Variants in ITGA1 observed in about 807,000 individuals in gnomAD.
ITGA1 encodes integrin subunit alpha 1.
Under a neutral mutation model 145.9 loss-of-function variants are expected in ITGA1, and 85 were observed. That is an observed-to-expected ratio of 0.58 (90% CI 0.49 to 0.70). The LOEUF is 0.70. ITGA1 is among the 30% of genes least tolerant of loss of function. ITGA1 has a pLI of 0.00. For synonymous variants in ITGA1, 520 were observed against 495.3 expected, an observed-to-expected ratio of 1.05 and a Z score of -0.66; for missense variants, 1,351 against 1,418.7, an observed-to-expected ratio of 0.95 and a Z score of 0.77.
At chr5:52,851,723 G>A (rs1346681233) in intron 2 of ITGA1, among the ~76,000 whole-genome samples, 1 of 152,110 alleles carries the variant, frequency 6.6e-6, no homozygotes, top group African/African-American at 2.4e-5. Flanking sequence ...ATAAGAGATC[G>A]GGGACTATGC....
At chr5:52,808,847 G>T (rs140995698) in intron 1 of ITGA1, among the ~76,000 whole-genome samples, 13 of 152,000 alleles carry the variant, frequency 8.6e-5, no homozygotes, top group East Asian at 1.9e-4. Flanking sequence ...CCCAGAGAGG[G>T]TTGGTAACTT....
intron 21 of ITGA1, among the ~76,000 whole-genome samples, chr5:52,930,570 T>G (rs1471877716): frequency 6.6e-6 from 1 of 152,088 alleles, no homozygotes; most frequent in African/African-American, 2.4e-5. Flanking sequence ...GAAAGCTTTG[T>G]CAGAAAATTA....
intron 1 of ITGA1, chr5:52,800,382 C>T (rs767881270): frequency 1.4e-5 from 23 of 1,613,348 alleles, no homozygotes; most frequent in Non-Finnish European, 1.9e-5. Flanking sequence ...GTCAGTGAGC[C>T]CCTTCCTTGG....
rs1750962505 is a variant in ITGA1 at position 52,936,127 on chromosome 5, C to T, written c.2965-1274C>T. On this transcript the variant is annotated intron_variant, in intron 23 of 28. Coordinates refer to ENST00000282588, the MANE Select transcript of ITGA1 (RefSeq NM_181501.2). Reference sequence around the variant, plus strand: ...AGTAGCTGGGACCACAGGCGCCCGCCACTACGCCCGGCTAATTTTTTGTAT... The same window carrying T: ...AGTAGCTGGGACCACAGGCGCCCGCTACTACGCCCGGCTAATTTTTTGTAT... Among the ~76,000 whole-genome samples the T allele has an allele frequency of 5.9e-5, 2 of 33,736 alleles. 1 individual carries two copies. Among genetic ancestry groups the T allele is most frequent in the Non-Finnish European group, 1.0e-4 (2 of 19,782 alleles). The allele number at this position is 33,736 out of a possible 152,430, so 22.1% of individuals were successfully genotyped here.
chr5:52,791,050 A>G (rs1252292256), intron 1 of ITGA1, among the ~76,000 whole-genome samples: 1 of 152,184 alleles, frequency 6.6e-6, no homozygotes, highest in East Asian at 1.9e-4. Context: ...CCAGCATCCC[A>G]ATAAACTTCC....
At chr5:52,852,529 G>A (rs888420500) in intron 2 of ITGA1, among the ~76,000 whole-genome samples, 2 of 152,140 alleles carry the variant, frequency 1.3e-5, no homozygotes, top group African/African-American at 4.8e-5. Context: ...AGGTCAGATA[G>A]ATTCCAAAAT....
chr5:52,861,679 T>C, intron 3 of ITGA1, 120 bp downstream of exon 3: 1 of 651,590 alleles, frequency 1.5e-6, no homozygotes, highest in East Asian at 2.6e-5. Flanking sequence ...GAGACCAGCC[T>C]GGGCAACCTG....
chr5:52,889,284 T>C (rs1750106184), intron 8 of ITGA1, among the ~76,000 whole-genome samples: 1 of 152,032 alleles, frequency 6.6e-6, no homozygotes, highest in African/African-American at 2.4e-5. Flanking sequence ...TTATTTTTAG[T>C]AGAGATGGGG....
chr5:52,930,889 A>G (rs1750885481), intron 21 of ITGA1, among the ~76,000 whole-genome samples: 2 of 152,176 alleles, frequency 1.3e-5, no homozygotes, highest in African/African-American at 4.8e-5. Context: ...AAAAGCCAGT[A>G]AAGTTTTTGA....
At chr5:52,867,865 G>C (rs1749713092) in intron 6 of ITGA1, among the ~76,000 whole-genome samples, 1 of 151,730 alleles carries the variant, frequency 6.6e-6, no homozygotes, top group Non-Finnish European at 1.5e-5. Flanking sequence ...TTCTTTCTGA[G>C]GGCTCTACTT....
chr5:52,812,659 T>C (rs1474039058), intron 1 of ITGA1, among the ~76,000 whole-genome samples: 3 of 152,148 alleles, frequency 2.0e-5, no homozygotes, highest in Non-Finnish European at 4.4e-5. Flanking sequence ...TTTGTGAGCT[T>C]CAATTTGTAA....
At position 52,927,615 on chromosome 5, in the gene ITGA1, A is replaced by G; in HGVS notation, c.2645A>G (p.His882Arg). The G allele has an allele frequency of 6.2e-7, 1 of 1,611,986 alleles. No individual in the cohort carries two copies. The highest frequency in any genetic ancestry group is 8.5e-7 in the Non-Finnish European group (1 of 1,178,432). The change falls in exon 20 of 29, where the codon CAT (histidine) becomes CGT (arginine). Residue 882 changes from histidine (H) to arginine (R), a missense_variant. Physicochemically the swap from His to Arg is conservative, Grantham distance 29 (BLOSUM62 0). Coordinates refer to ENST00000282588, the MANE Select transcript of ITGA1 (RefSeq NM_181501.2). ...CAAAAAGACAGTTGTGAATCTAATCATAATATCACATGTAAAGTTGGATAT... is the reference window on the plus strand; with the variant it reads ...CAAAAAGACAGTTGTGAATCTAATCGTAATATCACATGTAAAGTTGGATAT... ...AIQKDSCESN[H>R]NITCKVGYPF...
Position 52,939,963 on chromosome 5 carries a change from C to G in ITGA1, c.3285+19C>G. 8.0e-7 allele frequency: 1 copy of G among 1,249,508 alleles called. No individual in the cohort carries two copies. Among genetic ancestry groups the G allele is most frequent in the Non-Finnish European group, 1.2e-6 (1 of 847,780 alleles). 77.4% of individuals were successfully genotyped at this position (1,249,508 alleles called of 1,614,324 possible). The stretch of plus-strand genomic sequence containing the variant: ...TATAAAAGTAAGTAAATACATAGTT[C>G]TATGCACTTATTGAATAATATCAAT... On this transcript the variant is annotated intron_variant, in intron 26 of 28. Transcript: ENST00000282588.
At chr5:52,895,749 T>C (rs1750214207) in intron 9 of ITGA1, among the ~76,000 whole-genome samples, 1 of 152,192 alleles carries the variant, frequency 6.6e-6, no homozygotes, top group African/African-American at 2.4e-5. Flanking sequence ...CCAAGAAGTC[T>C]CTATATTTAA....
chr5:52,905,123 G>C (rs1360760885), intron 11 of ITGA1: 2 of 152,142 alleles, frequency 1.3e-5, no homozygotes, highest in Non-Finnish European at 2.9e-5. Context: ...TTAAAAACGT[G>C]ATCCAGTGAT....
At chr5:52,806,961 C>A (rs1481448590) in intron 1 of ITGA1, among the ~76,000 whole-genome samples, 3 of 152,080 alleles carry the variant, frequency 2.0e-5, no homozygotes, top group African/African-American at 7.2e-5. Context: ...GATTTCAGTG[C>A]TAAGGATGAT....
chr5:52,922,727 A>T, intron 17 of ITGA1, 50 bp from the exon 18 acceptor site: 1 of 1,192,066 alleles, frequency 8.4e-7, no homozygotes, highest in South Asian at 1.3e-5. Flanking sequence ...CAAGATCAGA[A>T]CACCCGGTAA....
chr5:52,889,639 A>AGGG (rs890623339), intron 8 of ITGA1: 1 of 151,972 alleles, frequency 6.6e-6, no homozygotes, highest in African/African-American at 2.4e-5. Flanking sequence ...CCTGGAGGAA[A>AGGG]GGGGTGGGGG....
At position 52,910,354 on chromosome 5, in the gene ITGA1, G is replaced by A. The variant is rs1295006045; in HGVS notation, c.1792G>A (p.Asp598Asn). ...DIVIGAPLEDDHGGAVYIYHG... is the reference protein window; with the variant it reads ...DIVIGAPLEDNHGGAVYIYHG... The stretch of plus-strand genomic sequence containing the variant: ...CGTGATAGGAGCTCCGCTGGAAGAT[G>A]ATCACGGGGGAGCTGTGTACATTTA... The change falls in exon 14 of 29, where the codon GAT becomes AAT. Residue 598 changes from aspartate to asparagine, a missense_variant. Asp to Asn is a conservative substitution (Grantham distance 23). Coordinates refer to ENST00000282588, the MANE Select transcript of ITGA1 (RefSeq NM_181501.2). The A allele has an allele frequency of 6.2e-7, 1 of 1,613,828 alleles. No individual in the cohort carries two copies. The highest frequency in any genetic ancestry group is 8.5e-7 in the Non-Finnish European group (1 of 1,179,822).
Sources: gnomAD v4.1 joint callset for allele counts (sites outside exome capture counted in the v4.1 genomes callset) on GRCh38, gnomAD v4.1.1 for gene constraint, MANE v1.5 for transcripts, NCBI Gene and HGNC (gene_info 2026-07-23, HGNC 2026-07-21) for gene names.